The following WDR20 variants were observed in gnomAD, a reference collection of about 807,000 sequenced individuals.
The protein encoded by WDR20 is WD repeat domain 20.
WDR20 carries 3 observed loss-of-function variants against 38.7 expected under a neutral mutation model. The ratio of observed to expected loss-of-function variants is 0.08; its 90% CI spans 0.04 to 0.20. The LOEUF (loss-of-function observed/expected upper bound fraction) is 0.20. Ranked by LOEUF, WDR20 falls within the 10% of genes least tolerant of loss-of-function variation. The pLI is 1.00. For synonymous variants in WDR20, 298 were observed against 285.6 expected (o/e 1.04, Z -0.44); for missense variants, 559 against 727.7 (o/e 0.77, Z 2.67).
intron 1 of WDR20, among the ~76,000 whole-genome samples, chr14:102,142,705 C>A (rs941349425): frequency 2.0e-5 from 3 of 151,272 alleles, no homozygotes; most frequent in African/African-American, 7.3e-5. Context: ...ATCCTCCCAC[C>A]TCAGCCTGCT....
chr14:102,151,879 A>G (rs1432212056), intron 1 of WDR20, among the ~76,000 whole-genome samples: 4 of 151,470 alleles, frequency 2.6e-5, no homozygotes, highest in Non-Finnish European at 5.9e-5. Flanking sequence ...AGCTGAGTCT[A>G]TAGGAGCATG....
upstream of WDR20, chr14:102,139,846 A>G: frequency 6.4e-7 from 1 of 1,560,830 alleles, no homozygotes; most frequent in South Asian, 1.2e-5. Context: ...GGGTGGGGGA[A>G]GAGGGAGCAC....
chr14:102,173,351 C>G (rs2061365270), intron 1 of WDR20, among the ~76,000 whole-genome samples: 3 of 147,504 alleles, frequency 2.0e-5, no homozygotes, highest in Admixed American at 2.0e-4. Flanking sequence ...TGAGCTCAGA[C>G]AATCCACCCA....
intron 1 of WDR20, among the ~76,000 whole-genome samples, chr14:102,172,900 G>A (rs544057337): frequency 1.4e-4 from 20 of 141,542 alleles, no homozygotes; most frequent in African/African-American, 3.7e-4. Context: ...CAGATGGGGC[G>A]GCTGGGCAGC....
chr14:102,183,440 C>A (rs2063837335), intron 1 of WDR20, among the ~76,000 whole-genome samples: 1 of 152,224 alleles, frequency 6.6e-6, no homozygotes, highest in South Asian at 2.1e-4. Context: ...GTTTGAAACA[C>A]AGCAGTGTAC....
chr14:102,212,459 G>T, downstream of WDR20: 2 of 1,526,650 alleles, frequency 1.3e-6, no homozygotes, highest in Non-Finnish European at 1.8e-6. Context: ...CCCAGGCCCT[G>T]CAGGGCGACA....
intron 1 of WDR20, among the ~76,000 whole-genome samples, chr14:102,162,571 T>C (rs984054537): frequency 6.7e-6 from 1 of 149,308 alleles, no homozygotes; most frequent in Non-Finnish European, 1.5e-5. Flanking sequence ...CTTTCTTTCT[T>C]TTTCTCTCTC....
chr14:102,215,267 T>C (rs984140240), downstream of WDR20, among the ~76,000 whole-genome samples: 1 of 152,212 alleles, frequency 6.6e-6, no homozygotes, highest in African/African-American at 2.4e-5. Flanking sequence ...GGACTGTTGA[T>C]TGGCGTTTCG....
chr14:102,192,742 G>A (rs1461203294), intron 1 of WDR20, among the ~76,000 whole-genome samples: 2 of 151,946 alleles, frequency 1.3e-5, no homozygotes, highest in African/African-American at 4.8e-5. Flanking sequence ...TTAATTTCTG[G>A]CCAGCCTTTA....
intron 1 of WDR20, among the ~76,000 whole-genome samples, chr14:102,180,473 A>G (rs1447665087): frequency 6.6e-6 from 1 of 152,156 alleles, no homozygotes; most frequent in Non-Finnish European, 1.5e-5. Context: ...ATAGCATACT[A>G]TTTATTGCAA....
intron 1 of WDR20, among the ~76,000 whole-genome samples, chr14:102,146,803 T>G (rs1363456295): frequency 5.3e-5 from 8 of 152,210 alleles, no homozygotes; most frequent in Non-Finnish European, 1.0e-4. Flanking sequence ...TTTGTAATTT[T>G]TCACACCTCC....
intron 1 of WDR20, among the ~76,000 whole-genome samples, chr14:102,174,896 GATT>G (rs780833248): frequency 1.9e-4 from 29 of 151,908 alleles, no homozygotes; most frequent in African/African-American, 3.4e-4. Flanking sequence ...TTTTTGATGG[GATT>G]ATTATTATTA....
In WDR20 at chr14:102,220,770, TTATC is replaced by T. The variant is rs1433873334; in HGVS notation, c.1693-2054_1693-2051del. 1.1e-4 allele frequency among the ~76,000 whole-genome samples: 16 copies of T among 151,858 alleles called. No individual in the cohort carries two copies. The highest frequency in any genetic ancestry group is 3.9e-4 in the African/African-American group (16 of 41,344). On this transcript the variant is annotated intron_variant, in intron 3 of 3. Transcript: ENST00000335263. This position sits in a 1 kb window ranked among gnomAD's most constrained non-coding sequence, Gnocchi z 4.2. ...TTAAAATTAATGTCACTTGTTTTTATTATCTATCTTTTCATTTTTTGAGACAGGG... is the reference window on the plus strand; with the variant it reads ...TTAAAATTAATGTCACTTGTTTTTATTATCTTTTCATTTTTTGAGACAGGG...
At chr14:102,148,668 T>TG (rs2054557128) in intron 1 of WDR20, among the ~76,000 whole-genome samples, 15 of 82,824 alleles carry the variant, frequency 1.8e-4, no homozygotes, top group Admixed American at 5.0e-4. Flanking sequence ...AGAGTTTGGC[T>TG]TTGTGTGTGT....
rs2062264306 is a variant in WDR20 at position 102,210,144 on chromosome 14, T to C, written c.*264T>C. The C allele has an allele frequency of 3.4e-6, 4 of 1,175,798 alleles. No individual in the cohort carries two copies. The highest frequency in any genetic ancestry group is 4.2e-6 in the Non-Finnish European group (4 of 950,756). 72.8% of individuals were successfully genotyped at this position (1,175,798 alleles called of 1,614,324 possible). A position where few individuals can be genotyped will look rare whatever the true frequency, so the allele number is the denominator to read the frequency against. ...GTATATAGAGTCCCAAGGTTAGCGC[T>C]CCTGTATTAGACTATTTCAATTTTA... On this transcript the variant is annotated 3_prime_UTR_variant, in exon 3 of 3. Transcript: ENST00000342702.
chr14:102,172,614 G>T (rs2061119495), intron 1 of WDR20, among the ~76,000 whole-genome samples: 1 of 147,882 alleles, frequency 6.8e-6, no homozygotes, highest in African/African-American at 2.5e-5. Context: ...GGGCGGCCTG[G>T]CAGAGGCGCC....
chr14:102,188,095 T>C (rs1424816263), intron 1 of WDR20, among the ~76,000 whole-genome samples: 1 of 152,238 alleles, frequency 6.6e-6, no homozygotes, highest in Non-Finnish European at 1.5e-5. Flanking sequence ...ACCTACACTA[T>C]TTCCACCTGA....
At chr14:102,202,566 G>C (rs1267974755) in intron 2 of WDR20, among the ~76,000 whole-genome samples, 1 of 151,744 alleles carries the variant, frequency 6.6e-6, no homozygotes, top group Non-Finnish European at 1.5e-5. Context: ...ATTTTTAGTA[G>C]AGACAGGGTT....
At chr14:102,165,734 T>A (rs1157523456) in intron 1 of WDR20, among the ~76,000 whole-genome samples, 1 of 150,654 alleles carries the variant, frequency 6.6e-6, no homozygotes, top group Non-Finnish European at 1.5e-5. Flanking sequence ...CCTCCCAGGC[T>A]CAGGTGATCC....
Sources: allele counts gnomAD v4.1 joint callset (sites outside exome capture counted in the v4.1 genomes callset), GRCh38; gene constraint gnomAD v4.1.1; non-coding constraint Gnocchi (gnomAD v3.1); transcripts MANE v1.5; gene names NCBI Gene and HGNC (gene_info 2026-07-23, HGNC 2026-07-21).